The following KCNG2 variants were observed in gnomAD, a reference collection of about 807,000 sequenced individuals.
KCNG2 encodes the protein voltage-gated potassium channel regulatory subunit KCNG2.
Under a neutral mutation model 12.3 loss-of-function variants are expected in KCNG2, and 7 were observed. That is an observed-to-expected ratio of 0.57 (90% CI 0.32 to 1.07). KCNG2 has a LOEUF of 1.07. Among genes scored for constraint, KCNG2 ranks in the 50% least tolerant of loss-of-function variants. The pLI is 0.04. For missense variants in KCNG2, 703 were observed against 726.0 expected (o/e 0.97, Z 0.36); for synonymous variants, 414 against 351.4 (o/e 1.18, Z -1.99).
intron 3 of KCNG2, among the ~76,000 whole-genome samples, chr18:79,868,556 G>T (rs1291800724): frequency 1.3e-5 from 2 of 152,216 alleles, no homozygotes; most frequent in Admixed American, 6.5e-5. Context: ...TGTCCTAAGA[G>T]AATATTTCAA....
At chr18:79,848,398 C>T (rs1599389709) in intron 1 of KCNG2, among the ~76,000 whole-genome samples, 1 of 152,358 alleles carries the variant, frequency 6.6e-6, no homozygotes, top group East Asian at 1.9e-4. Context: ...GGGGAGGGGC[C>T]TGCGTTGCCG....
At chr18:79,893,785 A>G (rs904401494) in intron 3 of KCNG2, among the ~76,000 whole-genome samples, 7 of 151,450 alleles carry the variant, frequency 4.6e-5, no homozygotes, top group Non-Finnish European at 8.8e-5. Context: ...CCCTCCGTTC[A>G]TAACGATTGA....
At chr18:79,845,376 G>A (rs961650570) in intron 1 of KCNG2, among the ~76,000 whole-genome samples, 17 of 152,174 alleles carry the variant, frequency 1.1e-4, no homozygotes, top group South Asian at 4.1e-4. Flanking sequence ...TGGAGAAGGC[G>A]TTCCACGGTT....
At chr18:79,798,639 G>C (rs1298941859) in intron 1 of KCNG2, among the ~76,000 whole-genome samples, 1 of 152,374 alleles carries the variant, frequency 6.6e-6, no homozygotes, top group South Asian at 2.1e-4. Flanking sequence ...CGAATTGGGG[G>C]AGAGAAGACC....
intron 3 of KCNG2, among the ~76,000 whole-genome samples, chr18:79,880,942 G>T (rs2115998): frequency 0.13 from 19,951 of 152,256 alleles, 1,613 homozygotes; most frequent in East Asian, 0.36. Flanking sequence ...TTTAGGAATA[G>T]AAGGGAATTT....
chr18:79,866,825 G>GTCTGTGT (rs1170780168), intron 3 of KCNG2, among the ~76,000 whole-genome samples: 12 of 23,202 alleles, frequency 5.2e-4, no homozygotes, highest in South Asian at 2.7e-3. Flanking sequence ...TGTGCTGAGA[G>GTCTGTGT]GTCTGTGTGC....
rs1309949778 is a variant in KCNG2, at chr18:79,826,432, C to T, written c.-115+28418C>T. On this transcript the variant is annotated intron_variant, in intron 1 of 3. Transcript: ENST00000316249. Reference sequence around the variant, plus strand: ...TCACAACTGAGCGAGCAGCTCCTCACGGAAGGTTAGATTCGGCGCGTTACG... The same window carrying T: ...TCACAACTGAGCGAGCAGCTCCTCATGGAAGGTTAGATTCGGCGCGTTACG... Among the ~76,000 whole-genome samples, 3 of 151,620 alleles carry T rather than the reference C, an allele frequency of 2.0e-5. No individual in the cohort carries two copies. The East Asian group carries it at 5.9e-4, about 30-fold the overall frequency.
In KCNG2 at chr18:79,800,420, T is replaced by C. The variant is rs2087399363; in HGVS notation, c.-115+2406T>C. On this transcript the variant is annotated intron_variant, in intron 1 of 3. Coordinates refer to ENST00000316249, the MANE Select transcript of KCNG2 (RefSeq NM_012283.2). The surrounding 1 kb of genome is among the most constrained non-coding windows in gnomAD (Gnocchi z 4.0). ...AGGTCGCTCAGACACAAACGGGTGCTGCCATCAGGTAGCCCAGCCGGTAGG... is the reference window on the plus strand; with the variant it reads ...AGGTCGCTCAGACACAAACGGGTGCCGCCATCAGGTAGCCCAGCCGGTAGG... 6.6e-6 allele frequency among the ~76,000 whole-genome samples: 1 copy of C among 152,112 alleles called. No individual in the cohort carries two copies. Among genetic ancestry groups the C allele is most frequent in the South Asian group, 2.1e-4 (1 of 4,812 alleles).
At chr18:79,845,285 G>A (rs923014463) in intron 1 of KCNG2, among the ~76,000 whole-genome samples, 1 of 152,222 alleles carries the variant, frequency 6.6e-6, no homozygotes, top group Admixed American at 6.5e-5. Context: ...GGGAAGGCAG[G>A]GGGTGTGGCT....
rs1352455912 is a variant in KCNG2 at position 79,866,487 on chromosome 18, TGTGCTGAGAGGTCTGG to T, written c.624+2205_624+2220del. Among the ~76,000 whole-genome samples, 6 of 105,348 alleles carry T rather than the reference TGTGCTGAGAGGTCTGG, an allele frequency of 5.7e-5. 1 individual carries two copies. Among genetic ancestry groups the T allele is most frequent in the Non-Finnish European group, 1.2e-4 (6 of 51,280 alleles). The allele number at this position is 105,348 out of a possible 152,430, so 69.1% of individuals were successfully genotyped here. A position where few individuals can be genotyped will look rare whatever the true frequency, so the allele number is the denominator to read the frequency against. ...GCTGAGGTCTGGGTGCTGAGGTCTGTGTGCTGAGAGGTCTGGGTGCTGAGGTCTGGGTGCTGAAGTC... is the reference window on the plus strand; with the variant it reads ...GCTGAGGTCTGGGTGCTGAGGTCTGTGTGCTGAGGTCTGGGTGCTGAAGTC... On this transcript the variant is annotated intron_variant, in intron 3 of 3. Transcript: ENST00000316249.
At chr18:79,807,702 A>C (rs2087461010) in intron 1 of KCNG2, among the ~76,000 whole-genome samples, 1 of 151,810 alleles carries the variant, frequency 6.6e-6, no homozygotes, top group South Asian at 2.1e-4. Flanking sequence ...CAGAGTCCGC[A>C]CTCTGAGAAG....
At chr18:79,817,111 G>A (rs940757591) in intron 1 of KCNG2, among the ~76,000 whole-genome samples, 4 of 141,386 alleles carry the variant, frequency 2.8e-5, no homozygotes, top group East Asian at 4.1e-4. Context: ...TTTGTCACAC[G>A]GCTGCCACAT....
chr18:79,853,865 A>C (rs1402555816), intron 1 of KCNG2, among the ~76,000 whole-genome samples: 1 of 152,218 alleles, frequency 6.6e-6, no homozygotes, highest in Admixed American at 6.5e-5. Flanking sequence ...GCACTACTTG[A>C]GTGGCAGGTG....
intron 2 of KCNG2, among the ~76,000 whole-genome samples, chr18:79,862,803 T>C (rs80044109): frequency 2.6e-5 from 4 of 152,174 alleles, no homozygotes; most frequent in Admixed American, 2.0e-4. Flanking sequence ...CAGACGGAGT[T>C]CCAAGACACC....
Position 79,822,553 on chromosome 18 carries a change from G to A in KCNG2, c.-115+24539G>A, listed in dbSNP as rs867455707. Among the ~76,000 whole-genome samples, 3 of 151,940 alleles carry A rather than the reference G, an allele frequency of 2.0e-5. No homozygotes were observed. In the South Asian group the frequency reaches 6.2e-4, roughly 32 times the overall value. On this transcript the variant is annotated intron_variant, in intron 1 of 3. Transcript: ENST00000316249. The surrounding 1 kb of genome is among the most constrained non-coding windows in gnomAD (Gnocchi z 4.4). Reference sequence around the variant, plus strand: ...CTCCAGGGCTCAAGCATCCTCCCACGTCAGCCTCCCGAGTAGCTGGGGCCA... The same window carrying A: ...CTCCAGGGCTCAAGCATCCTCCCACATCAGCCTCCCGAGTAGCTGGGGCCA...
intron 1 of KCNG2, among the ~76,000 whole-genome samples, chr18:79,845,422 G>A (rs1359728384): frequency 6.6e-6 from 1 of 152,174 alleles, no homozygotes; most frequent in Non-Finnish European, 1.5e-5. Context: ...TGAGTAAAGG[G>A]TGCAAGGGTG....
At chr18:79,840,478 A>G (rs781537675) in intron 1 of KCNG2, among the ~76,000 whole-genome samples, 1 of 152,228 alleles carries the variant, frequency 6.6e-6, no homozygotes, top group Non-Finnish European at 1.5e-5. Flanking sequence ...AAATGGAGAG[A>G]TGTATCATGT....
chr18:79,873,707 G>A (rs1979955159), intron 3 of KCNG2, among the ~76,000 whole-genome samples: 1 of 152,200 alleles, frequency 6.6e-6, no homozygotes, highest in Non-Finnish European at 1.5e-5. Flanking sequence ...GATTTGGAAA[G>A]CAGGAGTCTG....
rs566187186 is a variant in KCNG2 at position 79,884,846 on chromosome 18, T to A, written c.625-14194T>A. 2.6e-5 allele frequency among the ~76,000 whole-genome samples: 4 copies of A among 152,272 alleles called. No individual in the cohort carries two copies. The highest frequency in any genetic ancestry group is 4.4e-5 in the Non-Finnish European group (3 of 68,010). Reference sequence around the variant, plus strand: ...GTGGGAGCAAACTTGCTTTTCCCATTCACAGAAACACAGTAGCGTGCGCGG... The same window carrying A: ...GTGGGAGCAAACTTGCTTTTCCCATACACAGAAACACAGTAGCGTGCGCGG... On this transcript the variant is annotated intron_variant, in intron 3 of 3. Coordinates refer to ENST00000316249, the MANE Select transcript of KCNG2 (RefSeq NM_012283.2). The surrounding 1 kb of genome is among the most constrained non-coding windows in gnomAD (Gnocchi z 5.5).
Sources: gnomAD v4.1 joint callset for allele counts (sites outside exome capture counted in the v4.1 genomes callset) on GRCh38, gnomAD v4.1.1 for gene constraint, Gnocchi (gnomAD v3.1) non-coding constraint, MANE v1.5 for transcripts, NCBI Gene and HGNC (gene_info 2026-07-23, HGNC 2026-07-21) for gene names.